The following NKAIN3 variants were observed in gnomAD, a reference collection of about 807,000 sequenced individuals.
The protein encoded by NKAIN3 is sodium/potassium transporting ATPase interacting 3, also known as sodium/potassium-transporting ATPase subunit beta-1-interacting protein 3.
In NKAIN3, 25 loss-of-function variants were observed where a neutral mutation model predicts 30.2. The ratio of observed to expected loss-of-function variants is 0.83; its 90% CI spans 0.60 to 1.16. NKAIN3 has a LOEUF of 1.16. NKAIN3 is among the 50% of genes most tolerant of loss of function. The pLI is 0.00. For synonymous variants in NKAIN3, 91 were observed against 89.6 expected, an observed-to-expected ratio of 1.02 and a Z score of -0.09; for missense variants, 225 against 254.1, an observed-to-expected ratio of 0.89 and a Z score of 0.78.
chr8:62,910,014 T>A (rs1821886513), intron 4 of NKAIN3, among the ~76,000 whole-genome samples: 1 of 152,160 alleles, frequency 6.6e-6, no homozygotes, highest in African/African-American at 2.4e-5. Context: ...TCTGTTCTTT[T>A]AAAACTGTGC....
chr8:62,942,363 A>C (rs1003553780), intron 5 of NKAIN3, among the ~76,000 whole-genome samples: 1 of 150,782 alleles, frequency 6.6e-6, no homozygotes, highest in Non-Finnish European at 1.5e-5. Context: ...ACTGCAAAAC[A>C]TTGCTGAAAG....
chr8:62,945,888 T>C lies in NKAIN3; in HGVS notation c.533-8014T>C, dbSNP rs1823109570. Among the ~76,000 whole-genome samples the C allele has an allele frequency of 2.0e-5, 3 of 152,102 alleles. No individual in the cohort carries two copies. The South Asian group carries it at 6.2e-4, about 32-fold the overall frequency. ...AATTGAACTATATCAGTTCTTCACATAAGTACCTGAGACTGAGGGGGACAG... is the reference window on the plus strand; with the variant it reads ...AATTGAACTATATCAGTTCTTCACACAAGTACCTGAGACTGAGGGGGACAG... On this transcript the variant is annotated intron_variant, in intron 5 of 6. Transcript: ENST00000623646.
chr8:62,366,631 T>C (rs1816748783), intron 1 of NKAIN3, among the ~76,000 whole-genome samples: 1 of 152,176 alleles, frequency 6.6e-6, no homozygotes, highest in South Asian at 2.1e-4. Flanking sequence ...GTCAATTTCA[T>C]TTTTATTTTC....
At chr8:62,671,654 G>C (rs1048637316) in intron 3 of NKAIN3, among the ~76,000 whole-genome samples, 3 of 152,048 alleles carry the variant, frequency 2.0e-5, no homozygotes, top group Non-Finnish European at 4.4e-5. Flanking sequence ...TATTAGATTG[G>C]GGTGTGTGTG....
Position 62,978,501 on chromosome 8 carries a change from C to T in NKAIN3, c.*13094C>T, listed in dbSNP as rs1218981046. 3.3e-5 allele frequency: 5 copies of T among 152,322 alleles called. No homozygotes were observed. The East Asian group carries it at 7.7e-4, about 23-fold the overall frequency. The allele number at this position is 152,322 out of a possible 1,614,324, so 9.4% of individuals were successfully genotyped here. On this transcript the variant is annotated 3_prime_UTR_variant, in exon 7 of 7. Coordinates refer to ENST00000623646, the MANE Select transcript of NKAIN3 (RefSeq NM_001304533.3). The stretch of plus-strand genomic sequence containing the variant: ...CCACTCAGACTGAACTTCCTGGCAG[C>T]TTTGTTTACACTGTGAGGGGAAAAC...
intron 3 of NKAIN3, among the ~76,000 whole-genome samples, chr8:62,647,248 A>G (rs553724654): frequency 2.2e-4 from 33 of 152,334 alleles, no homozygotes; most frequent in Admixed American, 1.0e-3. Context: ...GCATAAATGC[A>G]TAGAGCAGTT....
chr8:62,783,530 C>T (rs766943668), intron 4 of NKAIN3, among the ~76,000 whole-genome samples: 2 of 151,498 alleles, frequency 1.3e-5, no homozygotes, highest in Non-Finnish European at 2.9e-5. Context: ...AAGACCTCCA[C>T]AACACTAGCA....
intron 5 of NKAIN3, among the ~76,000 whole-genome samples, chr8:62,996,860 T>G (rs923823761): frequency 6.6e-6 from 1 of 152,198 alleles, no homozygotes; most frequent in Non-Finnish European, 1.5e-5. Context: ...TGGGCTCCCA[T>G]GGCCTTGGGC....
rs368311506 is a variant in NKAIN3, at chr8:62,671,227, AT to A, written c.274-75695del. ...ATCCTACTTCCCTTGATGATTTGAG[AT>A]TTTTTTTTTGAGAGCCTACATGACA... On this transcript the variant is annotated intron_variant, in intron 3 of 6. Coordinates refer to ENST00000623646, the MANE Select transcript of NKAIN3 (RefSeq NM_001304533.3). Among the ~76,000 whole-genome samples the A allele has an allele frequency of 5.6e-3, 844 of 150,172 alleles. 9 individuals carry two copies. Among genetic ancestry groups the A allele is most frequent in the African/African-American group, 0.019 (777 of 41,048 alleles).
intron 3 of NKAIN3, among the ~76,000 whole-genome samples, chr8:62,723,289 G>A (rs1052089600): frequency 6.6e-6 from 1 of 151,862 alleles, no homozygotes; most frequent in African/African-American, 2.4e-5. Context: ...CTTCCCAGGT[G>A]GTAAATTTAA....
intron 1 of NKAIN3, among the ~76,000 whole-genome samples, chr8:62,262,231 CT>C (rs1452881860): frequency 6.6e-6 from 1 of 152,116 alleles, no homozygotes; most frequent in Non-Finnish European, 1.5e-5. Context: ...TAGAAGGTAG[CT>C]TTCCCTCATT....
Position 62,870,276 on chromosome 8 carries a change from A to AGATATAGATATC in NKAIN3, c.472-48177_472-48176insGATATAGATATC, listed in dbSNP as rs1820579934. Among the ~76,000 whole-genome samples, 87 of 102,750 alleles carry AGATATAGATATC rather than the reference A, an allele frequency of 8.5e-4. 1 individual carries two copies. The highest frequency in any genetic ancestry group is 1.7e-3 in the South Asian group (6 of 3,500). The allele number at this position is 102,750 out of a possible 152,430, so 67.4% of individuals were successfully genotyped here. On this transcript the variant is annotated intron_variant, in intron 4 of 6. Coordinates refer to ENST00000623646, the MANE Select transcript of NKAIN3 (RefSeq NM_001304533.3). ...TATATATATATCTATATATAGATATATATAAATATCTATAGATATATATAC... is the reference window on the plus strand; with the variant it reads ...TATATATATATCTATATATAGATATAGATATAGATATCTATAAATATCTATAGATATATATAC...
chr8:62,584,457 G>T (rs574584026), intron 2 of NKAIN3, among the ~76,000 whole-genome samples: 2 of 152,122 alleles, frequency 1.3e-5, no homozygotes, highest in Admixed American at 6.5e-5. Flanking sequence ...AATGTTTTGG[G>T]TAAAGGACCA....
intron 4 of NKAIN3, among the ~76,000 whole-genome samples, chr8:62,807,234 A>G: frequency 6.6e-6 from 1 of 152,174 alleles, no homozygotes; most frequent in African/African-American, 2.4e-5. Context: ...AACATTTGCC[A>G]TTTTTGTTTC....
intron 5 of NKAIN3, among the ~76,000 whole-genome samples, chr8:62,994,904 C>G (rs1222956936): frequency 1.3e-5 from 2 of 152,100 alleles, no homozygotes; most frequent in Non-Finnish European, 2.9e-5. Context: ...ATAGGTGAAC[C>G]ATAAAATTAA....
intron 1 of NKAIN3, among the ~76,000 whole-genome samples, chr8:62,527,268 G>A (rs1808333912): frequency 6.6e-6 from 1 of 152,114 alleles, no homozygotes; most frequent in Admixed American, 6.6e-5. Context: ...AAATGGAGCA[G>A]ACAAATCAGA....
chr8:62,620,850 T>G (rs1041111370), intron 3 of NKAIN3, among the ~76,000 whole-genome samples: 1 of 152,118 alleles, frequency 6.6e-6, no homozygotes, highest in Non-Finnish European at 1.5e-5. Flanking sequence ...TTCAAAGTAA[T>G]GAAAGTTGCC....
chr8:62,858,891 G>T (rs1179099812), intron 4 of NKAIN3, among the ~76,000 whole-genome samples: 1 of 152,178 alleles, frequency 6.6e-6, no homozygotes, highest in African/African-American at 2.4e-5. Flanking sequence ...TGGCTCCTTG[G>T]GTTCAGCCCC....
chr8:62,423,062 A>T (rs148941104), intron 1 of NKAIN3, among the ~76,000 whole-genome samples: 194 of 152,190 alleles, frequency 1.3e-3, no homozygotes, highest in African/African-American at 4.6e-3. Context: ...TTTTCAAGGT[A>T]GCTGGGAAAA....
Sources: allele counts gnomAD v4.1 joint callset (sites outside exome capture counted in the v4.1 genomes callset), GRCh38; gene constraint gnomAD v4.1.1; transcripts MANE v1.5; gene names NCBI Gene and HGNC (gene_info 2026-07-23, HGNC 2026-07-21).